Variants in EMID1 observed in about 807,000 individuals in gnomAD.
EMID1 encodes the protein EMI domain-containing protein 1.
In EMID1, 40 loss-of-function variants were observed where a neutral mutation model predicts 60.6. The observed-to-expected ratio is 0.66, with a 90% CI of 0.51 to 0.86. The LOEUF (loss-of-function observed/expected upper bound fraction) is 0.86, where lower values mean the gene tolerates loss of function less well. EMID1 is among the 40% of genes least tolerant of loss of function. The pLI is 0.00. For synonymous variants in EMID1, 242 were observed against 231.0 expected, an observed-to-expected ratio of 1.05 and a Z score of -0.43; for missense variants, 585 against 597.1, an observed-to-expected ratio of 0.98 and a Z score of 0.21.
intron 6 of EMID1, 41 bp downstream of exon 6, chr22:29,231,181 G>A: frequency 6.4e-7 from 1 of 1,551,042 alleles, no homozygotes; most frequent in Non-Finnish European, 8.7e-7. Flanking sequence ...AATGAGCAGT[G>A]GGTTGGGAAT....
chr22:29,221,576 A>G (rs951847650), intron 3 of EMID1, among the ~76,000 whole-genome samples: 5 of 152,052 alleles, frequency 3.3e-5, no homozygotes, highest in Non-Finnish European at 7.4e-5. Context: ...GGCTTTCACC[A>G]TGTTAGCCAG....
chr22:29,206,088 C>T lies in EMID1; in HGVS notation c.50C>T (p.Pro17Leu). The change falls in exon 1 of 15, where the codon CCG (proline) becomes CTG (leucine). Residue 17 changes from proline (P) to leucine (L), a missense_variant. Pro to Leu is a moderately conservative substitution (Grantham distance 98). Coordinates refer to ENST00000334018, the MANE Select transcript of EMID1 (RefSeq NM_133455.4). Reference sequence around the variant, plus strand: ...CTGCTCTGCCTCGGGCTCCTGCTCCCGGGAGGCGGCGCTGCGTGGAGCATC... The same window carrying T: ...CTGCTCTGCCTCGGGCTCCTGCTCCTGGGAGGCGGCGCTGCGTGGAGCATC... ...WALLCLGLLLPGGGAAWSIGA... is the reference protein window; with the variant it reads ...WALLCLGLLLLGGGAAWSIGA... 1 of 1,230,698 alleles carries T rather than the reference C, an allele frequency of 8.1e-7. No individual in the cohort carries two copies. 76.2% of individuals were successfully genotyped at this position (1,230,698 alleles called of 1,614,324 possible). A position where few individuals can be genotyped will look rare whatever the true frequency, so the allele number is the denominator to read the frequency against.
intron 1 of EMID1, among the ~76,000 whole-genome samples, chr22:29,208,761 G>C (rs1344433495): frequency 6.6e-6 from 1 of 152,196 alleles, no homozygotes; most frequent in African/African-American, 2.4e-5. Flanking sequence ...GTACTGTGCT[G>C]GTGTCCCCAA....
chr22:29,227,704 CAAAAAAAAAAAAAAA>C (rs560219761), intron 5 of EMID1, among the ~76,000 whole-genome samples: 2 of 88,954 alleles, frequency 2.2e-5, no homozygotes, highest in Admixed American at 2.9e-4. Flanking sequence ...GACTCTGTCT[CAAAAAAAAAAAAAAA>C]AAAAAAAACA....
At chr22:29,231,897 T>A (rs559966253) in intron 7 of EMID1, 2 of 562,892 alleles carry the variant, frequency 3.6e-6, no homozygotes, top group Admixed American at 3.3e-5. Context: ...CCTACACTTA[T>A]CAGGCTCTGA....
At chr22:29,234,972 G>A (rs1351400459) in intron 12 of EMID1, among the ~76,000 whole-genome samples, 1 of 151,782 alleles carries the variant, frequency 6.6e-6, no homozygotes, top group Non-Finnish European at 1.5e-5. Context: ...GATCGTTTGA[G>A]CTCAGGAGTT....
chr22:29,208,901 C>A (rs1313612257), intron 1 of EMID1, among the ~76,000 whole-genome samples: 3 of 152,304 alleles, frequency 2.0e-5, no homozygotes, highest in African/African-American at 7.2e-5. Context: ...GAAGCTTCCC[C>A]CGCTGGAGGA....
intron 5 of EMID1, among the ~76,000 whole-genome samples, chr22:29,227,892 A>G (rs948544627): frequency 1.3e-5 from 2 of 151,906 alleles, no homozygotes; most frequent in African/African-American, 4.8e-5. Flanking sequence ...GCCGTGGCTC[A>G]CGCCTGTAAT....
chr22:29,256,572 T>C (rs777785105), intron 14 of EMID1, among the ~76,000 whole-genome samples: 4 of 151,800 alleles, frequency 2.6e-5, no homozygotes, highest in Non-Finnish European at 5.9e-5. Flanking sequence ...GAGCACTCAT[T>C]GAAAGCCAGA....
rs770101881 is a variant in EMID1, at chr22:29,258,986, C to G, written c.*42C>G. On this transcript the variant is annotated 3_prime_UTR_variant, in exon 15 of 15. Coordinates refer to ENST00000334018, the MANE Select transcript of EMID1 (RefSeq NM_133455.4). ...TGAGGCAGACCAGGCCAGGCTTCCCCTCCTACCTGGACTCGGCCAGCTGCC... is the reference window on the plus strand; with the variant it reads ...TGAGGCAGACCAGGCCAGGCTTCCCGTCCTACCTGGACTCGGCCAGCTGCC... The G allele has an allele frequency of 4.4e-6, 7 of 1,593,514 alleles. No homozygotes were observed. Among genetic ancestry groups the G allele is most frequent in the Non-Finnish European group, 6.0e-6 (7 of 1,171,192 alleles).
chr22:29,246,577 T>C (rs556740162), intron 13 of EMID1, among the ~76,000 whole-genome samples: 2 of 152,130 alleles, frequency 1.3e-5, no homozygotes, highest in African/African-American at 2.4e-5. Flanking sequence ...AGACTTAAAA[T>C]AGCAAAAGAG....
chr22:29,226,598 A>G, intron 5 of EMID1, 47 bp downstream of exon 5: 1 of 1,576,952 alleles, frequency 6.3e-7, no homozygotes, highest in Non-Finnish European at 8.6e-7. Context: ...GCCACAGGCC[A>G]GTCCAGGCAA....
intron 13 of EMID1, among the ~76,000 whole-genome samples, chr22:29,253,034 G>T (rs768833954): frequency 6.6e-6 from 1 of 152,192 alleles, no homozygotes; most frequent in Non-Finnish European, 1.5e-5. Context: ...GCTTACGATG[G>T]TTCAAATTAC....
At chr22:29,228,052 A>G (rs1189342286) in intron 5 of EMID1, among the ~76,000 whole-genome samples, 1 of 151,274 alleles carries the variant, frequency 6.6e-6, no homozygotes, top group Admixed American at 6.6e-5. Flanking sequence ...GCTACTCGGG[A>G]GGCTGAGGCA....
rs532332013 is a variant in EMID1, at chr22:29,239,287, CT to C, written c.1075-4154del. Reference sequence around the variant, plus strand: ...TTATTTCTTAGAATATCTTTTTTTTCTTTTAAAAAAAATTTTTTTTTAATGT... The same window carrying C: ...TTATTTCTTAGAATATCTTTTTTTTCTTTAAAAAAAATTTTTTTTTAATGT... On this transcript the variant is annotated intron_variant, in intron 12 of 14. Transcript: ENST00000334018. Among the ~76,000 whole-genome samples, 1,209 of 123,764 alleles carry C rather than the reference CT, an allele frequency of 9.8e-3. 101 individuals carry two copies. The highest frequency in any genetic ancestry group is 0.015 in the Non-Finnish European group (908 of 60,656). 81.2% of individuals were successfully genotyped at this position (123,764 alleles called of 152,430 possible).
At chr22:29,250,733 A>ATTTTTTTTT (rs748172215) in intron 13 of EMID1, among the ~76,000 whole-genome samples, 442 of 22,488 alleles carry the variant, frequency 0.02, 94 homozygotes, top group Non-Finnish European at 0.032. Flanking sequence ...CACCCGGCTA[A>ATTTTTTTTT]TTTTTTTTTT....
At chr22:29,232,063 G>A in intron 7 of EMID1, 193 bp from the exon 8 acceptor site, 1 of 627,814 alleles carries the variant, frequency 1.6e-6, no homozygotes, top group Non-Finnish European at 2.8e-6. Context: ...AAGGAAGGAA[G>A]ACTCAGCCTG....
At chr22:29,216,893 C>T (rs887846416) in intron 3 of EMID1, among the ~76,000 whole-genome samples, 3 of 152,222 alleles carry the variant, frequency 2.0e-5, no homozygotes, top group Non-Finnish European at 2.9e-5. Flanking sequence ...AACACCCCTG[C>T]GGAGAGGCAG....
At chr22:29,253,884 T>G in intron 13 of EMID1, 1 of 985,358 alleles carries the variant, frequency 1.0e-6, no homozygotes, top group African/African-American at 1.7e-5. Flanking sequence ...CAGCAGCTTC[T>G]GGGACTGCCG....
Sources: allele counts gnomAD v4.1 joint callset (sites outside exome capture counted in the v4.1 genomes callset), GRCh38; gene constraint gnomAD v4.1.1; transcripts MANE v1.5; gene names NCBI Gene and HGNC (gene_info 2026-07-23, HGNC 2026-07-21).